The following ADAMTS2 variants were observed in gnomAD, a reference collection of about 807,000 sequenced individuals.
ADAMTS2 encodes A disintegrin and metalloproteinase with thrombospondin motifs 2.
ADAMTS2 carries 50 observed loss-of-function variants against 123.0 expected under a neutral mutation model. The observed-to-expected ratio is 0.41, with a 90% CI of 0.32 to 0.51. ADAMTS2 has a LOEUF of 0.51. Ranked by LOEUF, ADAMTS2 falls within the 20% of genes least tolerant of loss-of-function variation. The pLI, the probability that ADAMTS2 is intolerant of heterozygous loss-of-function variation, is 0.35. For synonymous variants in ADAMTS2, 678 were observed against 695.4 expected (o/e 0.98, Z 0.39); for missense variants, 1,494 against 1,705.2 (o/e 0.88, Z 2.18).
intron 3 of ADAMTS2, among the ~76,000 whole-genome samples, chr5:179,229,430 G>A (rs1047744552): frequency 2.3e-5 from 2 of 85,308 alleles, no homozygotes; most frequent in Non-Finnish European, 4.4e-5. Context: ...GCCCACTCCC[G>A]ACGGAGAGGT....
chr5:179,240,284 C>T (rs955131479), intron 3 of ADAMTS2, among the ~76,000 whole-genome samples: 18 of 152,224 alleles, frequency 1.2e-4, no homozygotes, highest in Middle Eastern at 3.4e-3. Context: ...TCAGGGGTAC[C>T]CGTGCCAGCA....
In ADAMTS2 at chr5:179,128,330, C is replaced by T. The variant is rs894541923; in HGVS notation, c.2458-212G>A. ...AGGTTCCTGTGAGCCTCTGTCTCAA[C>T]ATTTTTGTTACCCGATCAATATATA... On this transcript the variant is annotated intron_variant, in intron 16 of 21. Coordinates refer to ENST00000251582, the MANE Select transcript of ADAMTS2 (RefSeq NM_014244.5). The surrounding 1 kb of genome is among the most constrained non-coding windows in gnomAD (Gnocchi z 4.9). Among the ~76,000 whole-genome samples the T allele has an allele frequency of 6.6e-6, 1 of 152,188 alleles. No individual in the cohort carries two copies. The highest frequency in any genetic ancestry group is 2.1e-4 in the South Asian group (1 of 4,824).
chr5:179,343,830 G>A lies in ADAMTS2; in HGVS notation c.471C>T (p.Tyr157=), dbSNP rs752433735. The A allele has an allele frequency of 3.1e-6, 5 of 1,608,718 alleles. No homozygotes were observed. In the East Asian group the frequency reaches 1.1e-4, roughly 36 times the overall value. ...RVEPLLGSCL[Y]VGDVAGLAEA... Reference sequence around the variant, plus strand: ...CGGCTAGGCCGGCCACGTCTCCGACGTAGAGACAGCTCCCGAGCAGGGGCT... The same window carrying A: ...CGGCTAGGCCGGCCACGTCTCCGACATAGAGACAGCTCCCGAGCAGGGGCT... The change falls in exon 2 of 22, where the codon TAC becomes TAT. Residue 157 remains tyrosine, a synonymous_variant. Coordinates refer to ENST00000251582, the MANE Select transcript of ADAMTS2 (RefSeq NM_014244.5).
At position 179,215,613 on chromosome 5, in the gene ADAMTS2, C is replaced by T. The variant is rs527745308; in HGVS notation, c.689-7898G>A. Reference sequence around the variant, plus strand: ...TTAAAAAAAATTTAAAGTCACAAGCCTCCAAGGATAGGCAGAGCAGGAGGG... The same window carrying T: ...TTAAAAAAAATTTAAAGTCACAAGCTTCCAAGGATAGGCAGAGCAGGAGGG... On this transcript the variant is annotated intron_variant, in intron 3 of 21. Coordinates refer to ENST00000251582, the MANE Select transcript of ADAMTS2 (RefSeq NM_014244.5). 2.0e-5 allele frequency among the ~76,000 whole-genome samples: 3 copies of T among 152,258 alleles called. No homozygotes were observed. The East Asian group carries it at 5.8e-4, about 29-fold the overall frequency.
In ADAMTS2 at chr5:179,307,046, G is replaced by A. The variant is rs577891772; in HGVS notation, c.535-33982C>T. Among the ~76,000 whole-genome samples, 12 of 152,242 alleles carry A rather than the reference G, an allele frequency of 7.9e-5. No homozygotes were observed. In the East Asian group the frequency reaches 2.3e-3, roughly 30 times the overall value. The stretch of plus-strand genomic sequence containing the variant: ...GATCAACCCTGGGCCTGAGTCCTTG[G>A]AGGTGAGGCCAGCACGTAGTAGAGG... On this transcript the variant is annotated intron_variant, in intron 2 of 21. Transcript: ENST00000251582. The surrounding 1 kb of genome is among the most constrained non-coding windows in gnomAD (Gnocchi z 5.6).
At chr5:179,212,085 G>A (rs180045) in intron 3 of ADAMTS2, among the ~76,000 whole-genome samples, 35,303 of 146,976 alleles carry the variant, frequency 0.24, 4,600 homozygotes, top group Admixed American at 0.26. Flanking sequence ...GTGATTTGCG[G>A]GAATGAGAAT....
chr5:179,264,274 C>T (rs1766304691), intron 3 of ADAMTS2, among the ~76,000 whole-genome samples: 1 of 152,190 alleles, frequency 6.6e-6, no homozygotes. Context: ...GTCTCTTTCA[C>T]CGTCATCCAT....
At position 179,158,935 on chromosome 5, in the gene ADAMTS2, G is replaced by T. The variant is rs972211440; in HGVS notation, c.976-56C>A. The T allele has an allele frequency of 1.9e-6, 3 of 1,597,008 alleles. No individual in the cohort carries two copies. The highest frequency in any genetic ancestry group is 1.3e-5 in the African/African-American group (1 of 74,564). The stretch of plus-strand genomic sequence containing the variant: ...GAGGTTGGCGCCTGGTGGCCCAGTG[G>T]GGGGCCGAGCAGGCTGTAGTGTTGA... On this transcript the variant is annotated intron_variant, in intron 5 of 21. Coordinates refer to ENST00000251582, the MANE Select transcript of ADAMTS2 (RefSeq NM_014244.5). This position sits in a 1 kb window ranked among gnomAD's most constrained non-coding sequence, Gnocchi z 5.0.
At position 179,173,380 on chromosome 5, in the gene ADAMTS2, T is replaced by C. The variant is rs1052977313; in HGVS notation, c.975+7692A>G. Among the ~76,000 whole-genome samples, 12 of 152,188 alleles carry C rather than the reference T, an allele frequency of 7.9e-5. 1 individual carries two copies. Among genetic ancestry groups the C allele is most frequent in the Admixed American group, 7.9e-4 (12 of 15,280 alleles). On this transcript the variant is annotated intron_variant, in intron 5 of 21. Transcript: ENST00000251582. ...TGTTCCTTCCAGTCTTTTTGGTAAA[T>C]ATATTTGTACACCAAATTGAGATCA...
rs560200809 is a variant in ADAMTS2 at position 179,281,566 on chromosome 5, C to T, written c.535-8502G>A. On this transcript the variant is annotated intron_variant, in intron 2 of 21. Transcript: ENST00000251582. Reference sequence around the variant, plus strand: ...AATAATACCCCATCACATGTATATACCACATTTTATTTATCCATTTGCCGG... The same window carrying T: ...AATAATACCCCATCACATGTATATATCACATTTTATTTATCCATTTGCCGG... Among the ~76,000 whole-genome samples, 4 of 152,294 alleles carry T rather than the reference C, an allele frequency of 2.6e-5. No individual in the cohort carries two copies. In the South Asian group the frequency reaches 6.2e-4, roughly 24 times the overall value.
chr5:179,222,166 T>G (rs1765142217), intron 3 of ADAMTS2, among the ~76,000 whole-genome samples: 1 of 152,144 alleles, frequency 6.6e-6, no homozygotes, highest in Non-Finnish European at 1.5e-5. Flanking sequence ...TTGGCCCTGG[T>G]GGACCCCACA....
intron 3 of ADAMTS2, among the ~76,000 whole-genome samples, chr5:179,248,464 A>C (rs987310132): frequency 2.0e-5 from 3 of 152,158 alleles, no homozygotes; most frequent in Non-Finnish European, 2.9e-5. Context: ...AAATCCCAAG[A>C]TATAATCCAA....
intron 5 of ADAMTS2, among the ~76,000 whole-genome samples, chr5:179,165,487 T>C (rs1200261511): frequency 6.6e-6 from 1 of 152,110 alleles, no homozygotes; most frequent in African/African-American, 2.4e-5. Flanking sequence ...GGAAAGTCTG[T>C]CTGTGTGACT....
intron 2 of ADAMTS2, 83 bp downstream of exon 2, chr5:179,343,684 T>A (rs1224613364): frequency 6.5e-7 from 1 of 1,541,200 alleles, no homozygotes; most frequent in African/African-American, 1.4e-5. Flanking sequence ...GGCCTTGCCC[T>A]CCCAAGGGAC....
intron 3 of ADAMTS2, among the ~76,000 whole-genome samples, chr5:179,214,403 C>T (rs1764927047): frequency 6.6e-6 from 1 of 152,242 alleles, no homozygotes; most frequent in South Asian, 2.1e-4. Context: ...ATACATTCCA[C>T]TCATGGCTCA....
chr5:179,275,181 CA>C (rs1167226433), intron 2 of ADAMTS2, among the ~76,000 whole-genome samples: 2 of 151,988 alleles, frequency 1.3e-5, no homozygotes, highest in Non-Finnish European at 2.9e-5. Flanking sequence ...GTGGCTGCGG[CA>C]GGGGGAATGG....
In ADAMTS2 at chr5:179,180,428, T is replaced by C. The variant is rs1273860856; in HGVS notation, c.975+644A>G. Among the ~76,000 whole-genome samples, 1 of 152,172 alleles carries C rather than the reference T, an allele frequency of 6.6e-6. No homozygotes were observed. Among genetic ancestry groups the C allele is most frequent in the Non-Finnish European group, 1.5e-5 (1 of 68,014 alleles). ...CCAAGGGAGGGTCGTGTTAACCACG[T>C]GTTTCTGATGCTTTGACATCCGAGC... On this transcript the variant is annotated intron_variant, in intron 5 of 21. Coordinates refer to ENST00000251582, the MANE Select transcript of ADAMTS2 (RefSeq NM_014244.5). This position sits in a 1 kb window ranked among gnomAD's most constrained non-coding sequence, Gnocchi z 4.6.
Position 179,345,258 on chromosome 5 carries a change from G to GCCA in ADAMTS2, c.70_71insTGG (p.Pro24delinsLeuAla). ...CGGCGGCGGCGGCAGGAGCGGCGGC[G>GCCA]GCAGCAGCAGCAGCAGCAGCAGCAG... On this transcript the variant is annotated protein_altering_variant, in exon 1 of 22. Transcript: ENST00000251582. This position sits in a 1 kb window ranked among gnomAD's most constrained non-coding sequence, Gnocchi z 7.5. 1 of 1,136,326 alleles carries GCCA rather than the reference G, an allele frequency of 8.8e-7. No individual in the cohort carries two copies. Among genetic ancestry groups the GCCA allele is most frequent in the Admixed American group, 4.9e-5 (1 of 20,414 alleles). 70.4% of individuals were successfully genotyped at this position (1,136,326 alleles called of 1,614,324 possible).
At chr5:179,326,575 G>A (rs866411655) in intron 2 of ADAMTS2, among the ~76,000 whole-genome samples, 3 of 149,772 alleles carry the variant, frequency 2.0e-5, no homozygotes, top group Admixed American at 1.4e-4. Flanking sequence ...GTGTCCAAGC[G>A]CTTTCACACT....
Sources: allele counts gnomAD v4.1 joint callset (sites outside exome capture counted in the v4.1 genomes callset), GRCh38; gene constraint gnomAD v4.1.1; non-coding constraint Gnocchi (gnomAD v3.1); transcripts MANE v1.5; gene names NCBI Gene and HGNC (gene_info 2026-07-23, HGNC 2026-07-21).